ANAPC7: variants seen among roughly 807,000 people sequenced by gnomAD.
ANAPC7 encodes the protein anaphase promoting complex subunit 7.
A neutral mutation model predicts 63.3 loss-of-function variants in ANAPC7; 25 were observed. The ratio of observed to expected loss-of-function variants is 0.39; its 90% CI spans 0.29 to 0.55. The LOEUF (loss-of-function observed/expected upper bound fraction) is 0.55. Ranked by LOEUF, ANAPC7 falls within the 20% of genes least tolerant of loss-of-function variation. ANAPC7 has a pLI of 0.57. For synonymous variants in ANAPC7, 241 were observed against 251.7 expected (o/e 0.96, Z 0.40); for missense variants, 516 against 691.7 (o/e 0.75, Z 2.85).
chr12:110,396,376 G>A lies in ANAPC7; in HGVS notation c.178C>T (p.Arg60Trp), dbSNP rs982925379. 4.3e-6 allele frequency: 7 copies of A among 1,613,856 alleles called. No homozygotes were observed. Among genetic ancestry groups the A allele is most frequent in the East Asian group, 2.2e-5 (1 of 44,888 alleles). Residue 60 changes from arginine to tryptophan, a missense_variant, in exon 2 of 11, where the codon CGG becomes TGG. Transcript: ENST00000455511. Reference sequence around the variant, plus strand: ...ATGGTATACTTACTCACAGCATTCCGATATTCCTTATCATGAAAGAGAGAA... The same window carrying A: ...ATGGTATACTTACTCACAGCATTCCAATATTCCTTATCATGAAAGAGAGAA... ...ADSLFHDKEY[R>W]NAVSKYTMAL...
rs192546749 is a variant in ANAPC7 at position 110,398,861 on chromosome 12, C to T, written c.102-2409G>A. Among the ~76,000 whole-genome samples the T allele has an allele frequency of 5.3e-3, 804 of 151,922 alleles. 4 individuals are homozygous for T. Among genetic ancestry groups the T allele is most frequent in the Admixed American group, 8.6e-3 (132 of 15,280 alleles). On this transcript the variant is annotated intron_variant, in intron 1 of 10. Transcript: ENST00000455511. ...TCGGGAGGCTGAGGCAGGAGAATCA[C>T]TTGAATCTGGGAGGCAGAGGTTGCG...
chr12:110,402,313 T>G (rs1248718725), intron 1 of ANAPC7, among the ~76,000 whole-genome samples: 1 of 152,036 alleles, frequency 6.6e-6, no homozygotes, highest in Admixed American at 6.6e-5. Context: ...GGAAAGAATT[T>G]TCATAAGTGC....
At chr12:110,394,391 C>T (rs924848781) in intron 3 of ANAPC7, among the ~76,000 whole-genome samples, 2 of 151,646 alleles carry the variant, frequency 1.3e-5, no homozygotes, top group Non-Finnish European at 2.9e-5. Context: ...CTTTGGGAGG[C>T]CGAGGTGGGC....
chr12:110,397,344 C>G (rs115504359), intron 1 of ANAPC7, among the ~76,000 whole-genome samples: 1 of 151,396 alleles, frequency 6.6e-6, no homozygotes. Context: ...CACAAGATCA[C>G]AAGATCGAGA....
In ANAPC7 at chr12:110,376,063, T is replaced by C. The variant is rs981321716; in HGVS notation, c.1508+3A>G. 12 of 1,610,648 alleles carry C rather than the reference T, an allele frequency of 7.5e-6. No homozygotes were observed. Among genetic ancestry groups the C allele is most frequent in the Non-Finnish European group, 1.0e-5 (12 of 1,177,752 alleles). On this transcript the variant is annotated splice_donor_region_variant and intron_variant, in intron 10 of 10. Coordinates refer to ENST00000455511, the MANE Select transcript of ANAPC7 (RefSeq NM_016238.3). ...CCTTCCCCCAAGGGAGGCTAGTGCC[T>C]ACCTTAGTGCTATACTATACTGGTC...
chr12:110,381,976 CA>C, intron 7 of ANAPC7, 28 bp from the exon 8 acceptor site: 1 of 1,360,846 alleles, frequency 7.3e-7, no homozygotes, highest in Non-Finnish European at 9.8e-7. Flanking sequence ...AAAAAAAACA[CA>C]AAAACCCCAG....
chr12:110,395,026 A>T, intron 3 of ANAPC7, 75 bp downstream of exon 3: 1 of 1,528,672 alleles, frequency 6.5e-7, no homozygotes, highest in East Asian at 2.3e-5. Flanking sequence ...GGACTCCTTA[A>T]TGCATGAGAA....
At position 110,385,140 on chromosome 12, in the gene ANAPC7, G is replaced by A. The variant is rs566117329; in HGVS notation, c.817+1187C>T. Among the ~76,000 whole-genome samples, 55 of 152,168 alleles carry A rather than the reference G, an allele frequency of 3.6e-4. 2 individuals are homozygous for A. Among genetic ancestry groups the A allele is most frequent in the African/African-American group, 2.9e-4 (12 of 41,504 alleles). Reference sequence around the variant, plus strand: ...AAATTAGTTGGGTGTGGTGGCGGGCGCCTATAATCCCAGCTACTCGGGAGG... The same window carrying A: ...AAATTAGTTGGGTGTGGTGGCGGGCACCTATAATCCCAGCTACTCGGGAGG... On this transcript the variant is annotated intron_variant, in intron 6 of 10. Coordinates refer to ENST00000455511, the MANE Select transcript of ANAPC7 (RefSeq NM_016238.3).
At chr12:110,388,401 C>A in intron 4 of ANAPC7, 111 bp downstream of exon 4, 1 of 763,968 alleles carries the variant, frequency 1.3e-6, no homozygotes, top group Admixed American at 2.7e-5. Context: ...AAATCACTCT[C>A]TTCAGGGGAA....
chr12:110,395,265 T>C, intron 2 of ANAPC7, 45 bp from the exon 3 acceptor site: 1 of 1,571,816 alleles, frequency 6.4e-7, no homozygotes, highest in Admixed American at 1.8e-5. Context: ...ATTCCAACAA[T>C]ATGACAGTTC....
chr12:110,401,711 C>G (rs2062230831), intron 1 of ANAPC7, among the ~76,000 whole-genome samples: 1 of 150,956 alleles, frequency 6.6e-6, no homozygotes, highest in Non-Finnish European at 1.5e-5. Flanking sequence ...GTCGGCTGGG[C>G]GCGGTGGCTC....
chr12:110,388,105 C>G (rs142843654), intron 4 of ANAPC7, among the ~76,000 whole-genome samples: 9,236 of 152,256 alleles, frequency 0.061, 390 homozygotes, highest in Middle Eastern at 0.1. Context: ...GGCACAATCT[C>G]AGCTCACTGC....
chr12:110,401,196 A>G (rs2062222753), intron 1 of ANAPC7, among the ~76,000 whole-genome samples: 2 of 152,240 alleles, frequency 1.3e-5, no homozygotes, highest in South Asian at 4.1e-4. Context: ...CTACAGAGTA[A>G]AAGTTTCCAT....
chr12:110,382,454 AAAAAAAAATATATATATATATATATATAT>A (rs1247027113), intron 7 of ANAPC7, among the ~76,000 whole-genome samples: 2 of 93,666 alleles, frequency 2.1e-5, no homozygotes, highest in Non-Finnish European at 4.3e-5. Flanking sequence ...AAAAAAAAAA[AAAAAAAAATATATATATATATATATATAT>A]ATATATATAT....
Position 110,373,936 on chromosome 12 carries a change from A to G in ANAPC7, c.*208T>C, listed in dbSNP as rs2137909661. ...TCCCTCAGTCCTCCCTGGCTGGAGC[A>G]GGGGAGGATGGAGATACATGGAAGG... is the stretch of plus-strand genomic sequence containing the variant. On this transcript the variant is annotated 3_prime_UTR_variant, in exon 11 of 11. Coordinates refer to ENST00000455511, the MANE Select transcript of ANAPC7 (RefSeq NM_016238.3). 1 of 506,656 alleles carries G rather than the reference A, an allele frequency of 2.0e-6. No individual in the cohort carries two copies. The highest frequency in any genetic ancestry group is 3.8e-5 in the Admixed American group (1 of 26,344). The allele number at this position is 506,656 out of a possible 1,614,324, so 31.4% of individuals were successfully genotyped here. A position where few individuals can be genotyped will look rare whatever the true frequency, so the allele number is the denominator to read the frequency against.
At chr12:110,391,764 T>C (rs144236946) in intron 3 of ANAPC7, among the ~76,000 whole-genome samples, 1 of 152,310 alleles carries the variant, frequency 6.6e-6, no homozygotes, top group African/African-American at 2.4e-5. Flanking sequence ...ATATTTCTAA[T>C]AAAGTAAGGA....
intron 6 of ANAPC7, 182 bp from the exon 7 acceptor site, chr12:110,383,142 A>T (rs1039574412): frequency 1.8e-6 from 1 of 551,014 alleles, no homozygotes; most frequent in African/African-American, 1.9e-5. Context: ...AGTGACTATT[A>T]AAATGCAAAA....
intron 10 of ANAPC7, 124 bp downstream of exon 10, chr12:110,375,936 CATTACT>C (rs1041583368): frequency 3.8e-5 from 50 of 1,329,550 alleles, no homozygotes; most frequent in Non-Finnish European, 4.5e-5. Context: ...ACTCTTCTAC[CATTACT>C]ATTATTATTC....
chr12:110,398,278 T>C (rs532968730), intron 1 of ANAPC7, among the ~76,000 whole-genome samples: 58 of 151,944 alleles, frequency 3.8e-4, no homozygotes, highest in African/African-American at 1.4e-3. Context: ...TAGCCAGGCA[T>C]GGTGGTGCAT....
Sources: gnomAD v4.1 joint callset for allele counts (sites outside exome capture counted in the v4.1 genomes callset) on GRCh38, gnomAD v4.1.1 for gene constraint, MANE v1.5 for transcripts, NCBI Gene and HGNC (gene_info 2026-07-23, HGNC 2026-07-21) for gene names.